Variants in FOXN3 observed in about 807,000 individuals in gnomAD.
FOXN3 encodes forkhead box N3.
FOXN3 carries 7 observed loss-of-function variants against 38.4 expected under a neutral mutation model. The ratio of observed to expected loss-of-function variants is 0.18; its 90% CI spans 0.10 to 0.34. The LOEUF (loss-of-function observed/expected upper bound fraction) is 0.34. Ranked by LOEUF, FOXN3 falls within the 10% of genes least tolerant of loss-of-function variation. FOXN3 has a pLI of 1.00. For synonymous variants in FOXN3, 230 were observed against 242.2 expected, an observed-to-expected ratio of 0.95 and a Z score of 0.47; for missense variants, 456 against 613.4, an observed-to-expected ratio of 0.74 and a Z score of 2.71.
At chr14:89,391,492 A>T (rs1302990853) in intron 2 of FOXN3, among the ~76,000 whole-genome samples, 1 of 152,204 alleles carries the variant, frequency 6.6e-6, no homozygotes, top group Non-Finnish European at 1.5e-5. Context: ...AACCAAAAGG[A>T]TCTGCTGCAG....
intron 3 of FOXN3, among the ~76,000 whole-genome samples, chr14:89,289,365 GA>G (rs1229386256): frequency 1.3e-5 from 2 of 152,048 alleles, no homozygotes; most frequent in African/African-American, 4.8e-5. Flanking sequence ...AGGCAGAAAA[GA>G]AAAAATTAGA....
intron 4 of FOXN3, among the ~76,000 whole-genome samples, chr14:89,231,605 G>A (rs7154717): frequency 0.061 from 9,235 of 152,182 alleles, 940 homozygotes; most frequent in African/African-American, 0.21. Context: ...CTGTTACAGC[G>A]GGATGTGGGC....
In FOXN3 at chr14:89,169,176, C is replaced by G. The variant is rs532592254; in HGVS notation, c.852-6207G>C. On this transcript the variant is annotated intron_variant, in intron 5 of 5. Transcript: ENST00000557258. ...AAAATGTAGGCTGGGTGCTGTAGCTCATATTTGTAATCTCAGCACTTTGGG... is the reference window on the plus strand; with the variant it reads ...AAAATGTAGGCTGGGTGCTGTAGCTGATATTTGTAATCTCAGCACTTTGGG... Among the ~76,000 whole-genome samples the G allele has an allele frequency of 2.0e-5, 3 of 152,178 alleles. No individual in the cohort carries two copies. The East Asian group carries it at 5.8e-4, about 29-fold the overall frequency.
At chr14:89,565,159 C>A (rs1048235058) in intron 1 of FOXN3, among the ~76,000 whole-genome samples, 1 of 150,906 alleles carries the variant, frequency 6.6e-6, no homozygotes, top group African/African-American at 2.4e-5. Context: ...GAGAACACCC[C>A]GTGATGATGG....
chr14:89,616,391 T>C (rs1192086534), intron 1 of FOXN3, among the ~76,000 whole-genome samples: 6 of 152,354 alleles, frequency 3.9e-5, no homozygotes, highest in South Asian at 2.1e-4. Flanking sequence ...AACTGGGTAA[T>C]AATAATGGGA....
At chr14:89,544,702 G>C (rs1894852645) in intron 1 of FOXN3, among the ~76,000 whole-genome samples, 1 of 152,168 alleles carries the variant, frequency 6.6e-6, no homozygotes, top group African/African-American at 2.4e-5. Flanking sequence ...TGAAACCCCA[G>C]ATAGTACCAA....
chr14:89,387,263 CAATCAATCAATCAATA>C (rs1890816922), intron 2 of FOXN3, among the ~76,000 whole-genome samples: 1 of 152,074 alleles, frequency 6.6e-6, no homozygotes, highest in African/African-American at 2.4e-5. Flanking sequence ...CTCAATCAAT[CAATCAATCAATCAATA>C]AACAAACCAA....
intron 1 of FOXN3, among the ~76,000 whole-genome samples, chr14:89,469,082 G>T (rs1467449342): frequency 1.3e-5 from 2 of 152,142 alleles, no homozygotes; most frequent in Non-Finnish European, 2.9e-5. Context: ...GTGTTGATTT[G>T]AACCTCTTTT....
intron 1 of FOXN3, among the ~76,000 whole-genome samples, chr14:89,435,194 G>C (rs540936787): frequency 6.6e-6 from 1 of 152,106 alleles, no homozygotes; most frequent in African/African-American, 2.4e-5. Flanking sequence ...GCCAGCCTGG[G>C]CAACACTGCA....
At chr14:89,587,256 G>A (rs1404226768) in intron 1 of FOXN3, among the ~76,000 whole-genome samples, 2 of 152,238 alleles carry the variant, frequency 1.3e-5, no homozygotes, top group East Asian at 3.8e-4. Context: ...TTTATTCAAC[G>A]ACTGCCAATT....
At chr14:89,527,006 T>C (rs1040249891) in intron 1 of FOXN3, among the ~76,000 whole-genome samples, 2 of 151,726 alleles carry the variant, frequency 1.3e-5, no homozygotes, top group Non-Finnish European at 1.5e-5. Context: ...GTTTATTCTA[T>C]TTTATTTTTA....
intron 3 of FOXN3, among the ~76,000 whole-genome samples, chr14:89,341,816 GGGGTTTGACAAATAT>G (rs1243133736): frequency 2.0e-5 from 3 of 152,178 alleles, no homozygotes; most frequent in Non-Finnish European, 4.4e-5. Context: ...GGGAAGGCGA[GGGGTTTGACAAATAT>G]GCAGAATGCA....
At chr14:89,545,428 C>T (rs899783467) in intron 1 of FOXN3, among the ~76,000 whole-genome samples, 6 of 152,226 alleles carry the variant, frequency 3.9e-5, no homozygotes, top group Non-Finnish European at 7.3e-5. Flanking sequence ...TGCCTACTGG[C>T]TCCTTCTAAC....
At chr14:89,309,568 G>A (rs1340348193) in intron 3 of FOXN3, among the ~76,000 whole-genome samples, 2 of 152,158 alleles carry the variant, frequency 1.3e-5, no homozygotes, top group Non-Finnish European at 2.9e-5. Context: ...TGGAGCAACA[G>A]CAAAACCAAG....
intron 1 of FOXN3, among the ~76,000 whole-genome samples, chr14:89,594,811 G>A (rs562668646): frequency 6.4e-4 from 98 of 152,154 alleles, no homozygotes; most frequent in Non-Finnish European, 1.1e-3. Context: ...ACCTGAATCC[G>A]GGAGGCAGAG....
At chr14:89,297,433 G>A (rs553062414) in intron 3 of FOXN3, among the ~76,000 whole-genome samples, 1 of 151,994 alleles carries the variant, frequency 6.6e-6, no homozygotes, top group South Asian at 2.1e-4. Flanking sequence ...GGTGGCGGGC[G>A]CCTGTAGTCC....
chr14:89,225,944 T>C (rs1884622953), intron 4 of FOXN3, among the ~76,000 whole-genome samples: 2 of 152,126 alleles, frequency 1.3e-5, no homozygotes, highest in Admixed American at 6.5e-5. Flanking sequence ...ACCCATCTTA[T>C]AGGTGAGGTT....
rs1194457413 is a variant in FOXN3, at chr14:89,371,048, T to C, written c.544-20240A>G. ...CTAGGGACAACTCACGGCTTGCTTA[T>C]TCTTGAATGGTAAGCAGCTTTCTTA... On this transcript the variant is annotated intron_variant, in intron 2 of 5. Coordinates refer to ENST00000557258, the MANE Select transcript of FOXN3 (RefSeq NM_005197.4). Among the ~76,000 whole-genome samples the C allele has an allele frequency of 5.9e-5, 9 of 152,360 alleles. No homozygotes were observed. The East Asian group carries it at 1.7e-3, about 29-fold the overall frequency.
intron 1 of FOXN3, among the ~76,000 whole-genome samples, chr14:89,556,930 A>G (rs1158219324): frequency 1.3e-5 from 2 of 152,226 alleles, no homozygotes. Context: ...GGGCAAAAAC[A>G]GAAAGAGGCA....
Sources: allele counts gnomAD v4.1 joint callset (sites outside exome capture counted in the v4.1 genomes callset), GRCh38; gene constraint gnomAD v4.1.1; transcripts MANE v1.5; gene names NCBI Gene and HGNC (gene_info 2026-07-23, HGNC 2026-07-21).